The following SPTBN4 variants were observed in gnomAD, a reference collection of about 807,000 sequenced individuals.
The protein encoded by SPTBN4 is spectrin beta, non-erythrocytic 4.
SPTBN4 carries 96 observed loss-of-function variants against 277.8 expected under a neutral mutation model. That is an observed-to-expected ratio of 0.35 (90% CI 0.29 to 0.41). SPTBN4 has a LOEUF of 0.41. SPTBN4 is among the 10% of genes least tolerant of loss of function. SPTBN4 has a pLI of 1.00. For synonymous variants in SPTBN4, 1,481 were observed against 1,580.3 expected (o/e 0.94, Z 1.49); for missense variants, 3,006 against 3,595.7 (o/e 0.84, Z 4.19).
chr19:40,510,513 C>T (rs2080379073), intron 13 of SPTBN4, among the ~76,000 whole-genome samples: 1 of 152,144 alleles, frequency 6.6e-6, no homozygotes, highest in African/African-American at 2.4e-5. Flanking sequence ...CCGTGTTACC[C>T]AGGCTGGTCT....
At chr19:40,536,371 A>G (rs1351914380) in intron 20 of SPTBN4, among the ~76,000 whole-genome samples, 2 of 151,898 alleles carry the variant, frequency 1.3e-5, no homozygotes, top group African/African-American at 2.4e-5. Context: ...GTGCCACCAC[A>G]CCCAGCTAAT....
intron 14 of SPTBN4, 25 bp downstream of exon 14, chr19:40,513,579 G>A (rs756483391): frequency 7.3e-6 from 11 of 1,510,462 alleles, no homozygotes; most frequent in Non-Finnish European, 8.8e-6. Flanking sequence ...GTGGGACTCC[G>A]GGGTCCCCTT....
intron 1 of SPTBN4, among the ~76,000 whole-genome samples, 177 bp from the exon 2 acceptor site, chr19:40,472,430 G>A (rs1174080669): frequency 6.6e-6 from 1 of 152,104 alleles, no homozygotes; most frequent in Admixed American, 6.6e-5. Flanking sequence ...TCCTGCCTCT[G>A]CCTCCCAAAG....
rs538762075 is a variant in SPTBN4, at chr19:40,495,924, A to G, written c.668+947A>G. Among the ~76,000 whole-genome samples, 3 of 152,140 alleles carry G rather than the reference A, an allele frequency of 2.0e-5. 1 individual carries two copies. In the South Asian group the frequency reaches 6.2e-4, roughly 32 times the overall value. On this transcript the variant is annotated intron_variant, in intron 6 of 35. Transcript: ENST00000598249. The stretch of plus-strand genomic sequence containing the variant: ...TGCTGTGGACACCTGTCCACTCACA[A>G]TCCCTGCTTCTCACACCTACACACA...
chr19:40,482,589 T>G (rs1193323837), intron 2 of SPTBN4, among the ~76,000 whole-genome samples: 1 of 152,242 alleles, frequency 6.6e-6, no homozygotes, highest in Non-Finnish European at 1.5e-5. Context: ...ATCTAAATTT[T>G]TTAAAGACAA....
intron 18 of SPTBN4, 109 bp from the exon 19 acceptor site, chr19:40,532,516 A>G (rs367664866): frequency 3.6e-6 from 5 of 1,382,206 alleles, no homozygotes; most frequent in South Asian, 3.0e-5. Context: ...TATTCCTTCC[A>G]CCCATACACC....
rs369313756 is a variant in SPTBN4, at chr19:40,487,693, C to G, written c.170-4C>G. The G allele has an allele frequency of 4.3e-6, 7 of 1,609,992 alleles. No individual in the cohort carries two copies. The African/African-American group carries it at 9.4e-5, about 22-fold the overall frequency. The stretch of plus-strand genomic sequence containing the variant: ...CTGGGGGCTCATCAGGGCCTCTCCT[C>G]CAGATGAGCGGGAAGCCGTGCAGAA... On this transcript the variant is annotated splice_polypyrimidine_tract_variant and splice_region_variant and intron_variant, in intron 2 of 35. Transcript: ENST00000598249.
rs1424093443 is a variant in SPTBN4 at position 40,503,835 on chromosome 19, C to G, written c.1368C>G (p.Asn456Lys). The G allele has an allele frequency of 4.4e-6, 7 of 1,581,446 alleles. No homozygotes were observed. The highest frequency in any genetic ancestry group is 6.0e-6 in the Non-Finnish European group (7 of 1,159,978). ...TGTCTGGCTCACTGCCCCAGGACAA[C>G]TTTGGGTATGAGCTGCCCGCAGTGG... ...NENQRLVSQDNFGYELPAVEA... is the reference protein window; with the variant it reads ...NENQRLVSQDKFGYELPAVEA... Residue 456 changes from asparagine (N) to lysine (K), a missense_variant, in exon 12 of 36, where the codon AAC (asparagine) becomes AAG (lysine). Transcript: ENST00000598249.
intron 14 of SPTBN4, 106 bp downstream of exon 14, chr19:40,513,660 C>T (rs2080421650): frequency 8.3e-7 from 1 of 1,201,898 alleles, no homozygotes; most frequent in East Asian, 2.7e-5. Context: ...CTAGGAGTTC[C>T]AATCCCTGCT....
chr19:40,482,550 A>G (rs1275803527), intron 2 of SPTBN4, among the ~76,000 whole-genome samples: 1 of 152,232 alleles, frequency 6.6e-6, no homozygotes. Flanking sequence ...GGGTTGCCGT[A>G]TCATGTGATA....
intron 18 of SPTBN4, 110 bp from the exon 19 acceptor site, chr19:40,532,515 C>T: frequency 1.5e-6 from 2 of 1,375,422 alleles, no homozygotes; most frequent in Middle Eastern, 2.3e-4. Flanking sequence ...CTATTCCTTC[C>T]ACCCATACAC....
chr19:40,542,637 C>T (rs1195642280), intron 20 of SPTBN4, among the ~76,000 whole-genome samples: 1 of 151,642 alleles, frequency 6.6e-6, no homozygotes, highest in Non-Finnish European at 1.5e-5. Flanking sequence ...TTTCTCTGGC[C>T]AAGGAAACAC....
chr19:40,544,297 A>G (rs1424552001), intron 20 of SPTBN4, among the ~76,000 whole-genome samples: 1 of 146,864 alleles, frequency 6.8e-6, no homozygotes, highest in Non-Finnish European at 1.5e-5. Flanking sequence ...CGCCTGCCAC[A>G]ATGCCCGGCT....
At chr19:40,494,820 C>A in intron 5 of SPTBN4, 77 bp from the exon 6 acceptor site, 2 of 1,280,532 alleles carry the variant, frequency 1.6e-6, no homozygotes, top group Non-Finnish European at 2.2e-6. Context: ...ATCATTCGGT[C>A]TCCCTCTGTC....
intron 13 of SPTBN4, among the ~76,000 whole-genome samples, chr19:40,511,504 T>C (rs561531754): frequency 7.9e-5 from 12 of 152,250 alleles, no homozygotes; most frequent in Non-Finnish European, 1.6e-4. Flanking sequence ...GTTCCTTCTA[T>C]TCTATTCCAC....
At chr19:40,504,898 A>G (rs898273199) in intron 12 of SPTBN4, among the ~76,000 whole-genome samples, 1 of 152,126 alleles carries the variant, frequency 6.6e-6, no homozygotes, top group Non-Finnish European at 1.5e-5. Context: ...ATAGAAACAG[A>G]GTAAACCAGG....
At chr19:40,568,809 T>G (rs2081122228) in intron 31 of SPTBN4, among the ~76,000 whole-genome samples, 1 of 152,254 alleles carries the variant, frequency 6.6e-6, no homozygotes, top group Admixed American at 6.5e-5. Flanking sequence ...CAGTGTGTGT[T>G]GTGCAGATCT....
intron 15 of SPTBN4, among the ~76,000 whole-genome samples, chr19:40,516,406 G>A (rs1248061057): frequency 3.9e-5 from 6 of 152,060 alleles, no homozygotes; most frequent in South Asian, 2.1e-4. Flanking sequence ...AGGCTCAAGC[G>A]ATCCTCCCAC....
Position 40,491,713 on chromosome 19 carries a change from CAAAAA to C in SPTBN4, c.496-1229_496-1225del, listed in dbSNP as rs35237688. Among the ~76,000 whole-genome samples the C allele has an allele frequency of 7.6e-3, 293 of 38,788 alleles. 3 individuals are homozygous for C. The highest frequency in any genetic ancestry group is 0.033 in the African/African-American group (250 of 7,622). 25.4% of individuals were successfully genotyped at this position (38,788 alleles called of 152,430 possible). ...TGGGTAATAGATAGAGACTCTGTCT[CAAAAA>C]AAAAAAAAAAAAAAAAAAAAGTGAC... is the stretch of plus-strand genomic sequence containing the variant. On this transcript the variant is annotated intron_variant, in intron 4 of 35. Transcript: ENST00000598249.
Sources: gnomAD v4.1 joint callset for allele counts (sites outside exome capture counted in the v4.1 genomes callset) on GRCh38, gnomAD v4.1.1 for gene constraint, MANE v1.5 for transcripts, NCBI Gene and HGNC (gene_info 2026-07-23, HGNC 2026-07-21) for gene names.